The following LAMC1 variants were observed in gnomAD, a reference collection of about 807,000 sequenced individuals.
The protein encoded by LAMC1 is laminin subunit gamma-1.
A neutral mutation model predicts 173.6 loss-of-function variants in LAMC1; 38 were observed. The ratio of observed to expected loss-of-function variants is 0.22; its 90% CI spans 0.17 to 0.29. The LOEUF (loss-of-function observed/expected upper bound fraction) is 0.29. Among genes scored for constraint, LAMC1 ranks in the 10% least tolerant of loss-of-function variants. The probability of loss-of-function intolerance (pLI) is 1.00; values close to 1 mark genes in which losing one functional copy is unlikely to be tolerated. For missense variants in LAMC1, 1,824 were observed against 2,051.8 expected, an observed-to-expected ratio of 0.89 and a Z score of 2.14; for synonymous variants, 746 against 749.1, an observed-to-expected ratio of 1.00 and a Z score of 0.07.
chr1:183,039,529 A>C (rs1036071851), intron 1 of LAMC1, among the ~76,000 whole-genome samples: 1 of 152,154 alleles, frequency 6.6e-6, no homozygotes, highest in East Asian at 1.9e-4. Context: ...AGCTGTAATA[A>C]AATTTGTTTA....
At chr1:183,076,578 T>G (rs530370380) in intron 1 of LAMC1, among the ~76,000 whole-genome samples, 1 of 152,306 alleles carries the variant, frequency 6.6e-6, no homozygotes, top group African/African-American at 2.4e-5. Context: ...CTAGCCTCCA[T>G]TTTCTCTTCC....
intron 1 of LAMC1, among the ~76,000 whole-genome samples, chr1:183,046,953 T>C (rs915930185): frequency 2.0e-5 from 3 of 152,174 alleles, no homozygotes; most frequent in African/African-American, 7.2e-5. Context: ...ATAATATTTA[T>C]TTCTGTAAGC....
chr1:183,080,255 T>A (rs113020373), intron 1 of LAMC1, among the ~76,000 whole-genome samples: 2,744 of 151,554 alleles, frequency 0.018, 44 homozygotes, highest in South Asian at 0.079. Context: ...AAAAAAAAAT[T>A]TTTTTTGCTT....
chr1:183,062,643 T>TA (rs1465220250), intron 1 of LAMC1, among the ~76,000 whole-genome samples: 1 of 151,752 alleles, frequency 6.6e-6, no homozygotes, highest in Non-Finnish European at 1.5e-5. Context: ...AGACTCTGTC[T>TA]AAAAAAATAA....
intron 24 of LAMC1, 36 bp downstream of exon 24, chr1:183,135,192 C>T (rs370834776): frequency 1.2e-4 from 150 of 1,293,444 alleles, no homozygotes; most frequent in Admixed American, 1.9e-4. Context: ...CAAATGCTTC[C>T]GCCACTAGAG....
Position 183,125,458 on chromosome 1 carries a change from G to T in LAMC1, c.2709G>T (p.Gly903=), listed in dbSNP as rs373706219. The T allele has an allele frequency of 5.0e-6, 8 of 1,613,940 alleles. No individual in the cohort carries two copies. Among genetic ancestry groups the T allele is most frequent in the African/African-American group, 1.3e-5 (1 of 74,932 alleles). ...KQQSSCNPVT[G]QCECLPHVTG... ...AGAGCAGCTGTAACCCCGTGACGGG[G>T]CAGTGTGAATGTTTGCCTCACGTGA... The change falls in exon 15 of 28, where the codon GGG becomes GGT. Residue 903 remains glycine (G), a synonymous_variant. Coordinates refer to ENST00000258341, the MANE Select transcript of LAMC1 (RefSeq NM_002293.4).
chr1:183,143,058 G>A lies in LAMC1; in HGVS notation c.*268G>A. 5.1e-6 allele frequency: 2 copies of A among 394,502 alleles called. No homozygotes were observed. Among genetic ancestry groups the A allele is most frequent in the South Asian group, 5.5e-5 (2 of 36,400 alleles). The allele number at this position is 394,502 out of a possible 1,614,324, so 24.4% of individuals were successfully genotyped here. Reference sequence around the variant, plus strand: ...TTTCCCTTCTGATTTGCGTGAGGACGTGGCATCCTACGTTACTGTACAGTG... The same window carrying A: ...TTTCCCTTCTGATTTGCGTGAGGACATGGCATCCTACGTTACTGTACAGTG... On this transcript the variant is annotated 3_prime_UTR_variant, in exon 28 of 28. Transcript: ENST00000258341.
chr1:183,048,638 A>G (rs12023535), intron 1 of LAMC1, among the ~76,000 whole-genome samples: 17,788 of 152,192 alleles, frequency 0.12, 1,162 homozygotes, highest in Admixed American at 0.2. Flanking sequence ...ACACACATGT[A>G]CACCACCCAC....
chr1:183,097,147 T>G (rs1168872083), intron 1 of LAMC1, among the ~76,000 whole-genome samples: 2 of 152,242 alleles, frequency 1.3e-5, no homozygotes, highest in Non-Finnish European at 2.9e-5. Flanking sequence ...TCCTGGGAAC[T>G]CTTGTTTCAG....
intron 26 of LAMC1, 141 bp downstream of exon 26, chr1:183,137,968 G>A: frequency 1.3e-6 from 1 of 763,374 alleles, no homozygotes; most frequent in Non-Finnish European, 1.9e-6. Flanking sequence ...TGGGTTAGTA[G>A]CTTACATAGA....
At chr1:183,056,816 C>G (rs10494557) in intron 1 of LAMC1, among the ~76,000 whole-genome samples, 17,847 of 152,178 alleles carry the variant, frequency 0.12, 1,176 homozygotes, top group Admixed American at 0.2. Context: ...ACACCAAAAC[C>G]TGGAAATAGG....
At chr1:183,028,263 G>T (rs942591100) in intron 1 of LAMC1, among the ~76,000 whole-genome samples, 2 of 151,464 alleles carry the variant, frequency 1.3e-5, no homozygotes, top group Admixed American at 6.6e-5. Flanking sequence ...CTTTTGCTAT[G>T]CACTCCTTCC....
intron 1 of LAMC1, among the ~76,000 whole-genome samples, chr1:183,061,396 G>A (rs911775284): frequency 1.3e-5 from 2 of 150,340 alleles, no homozygotes; most frequent in Non-Finnish European, 3.0e-5. Flanking sequence ...AGGCTCATCT[G>A]TATAGGACTG....
At chr1:183,049,589 G>C (rs1301322890) in intron 1 of LAMC1, among the ~76,000 whole-genome samples, 1 of 151,466 alleles carries the variant, frequency 6.6e-6, no homozygotes, top group South Asian at 2.1e-4. Flanking sequence ...TCAGCCTCCC[G>C]TGTAGCTGGG....
chr1:183,117,771 G>C (rs577947055), intron 10 of LAMC1, 48 bp downstream of exon 10: 696 of 1,518,264 alleles, frequency 4.6e-4, no homozygotes, highest in Non-Finnish European at 5.7e-4. Flanking sequence ...CATTGTGAAA[G>C]TGGTGTCTTT....
rs116320150 is a variant in LAMC1, at chr1:183,047,152, A to G, written c.418+23018A>G. Among the ~76,000 whole-genome samples the G allele has an allele frequency of 4.8e-3, 729 of 152,246 alleles. 6 individuals are homozygous for G. Among genetic ancestry groups the G allele is most frequent in the Non-Finnish European group, 5.9e-3 (401 of 67,972 alleles). The stretch of plus-strand genomic sequence containing the variant: ...ACCTTTTTGGTAAAATTAGCTACCA[A>G]ATTAGTTGCTGTTCATACTGTTTGA... On this transcript the variant is annotated intron_variant, in intron 1 of 27. Transcript: ENST00000258341.
intron 20 of LAMC1, 45 bp downstream of exon 20, chr1:183,131,423 TATGGG>T (rs771467431): frequency 1.8e-6 from 2 of 1,125,172 alleles, no homozygotes; most frequent in Non-Finnish European, 2.5e-6. Flanking sequence ...TGGCTTCTGT[TATGGG>T]GTGTGTGTGT....
intron 1 of LAMC1, among the ~76,000 whole-genome samples, chr1:183,089,393 A>G (rs781503732): frequency 6.6e-6 from 1 of 152,242 alleles, no homozygotes; most frequent in East Asian, 1.9e-4. Context: ...TGACTGACCT[A>G]CCTGAAATAT....
chr1:183,118,123 T>C lies in LAMC1; in HGVS notation c.1967T>C (p.Ile656Thr), dbSNP rs1456793584. The C allele has an allele frequency of 6.3e-7, 1 of 1,598,316 alleles. No individual in the cohort carries two copies. The highest frequency in any genetic ancestry group is 8.6e-7 in the Non-Finnish European group (1 of 1,165,862). The change falls in exon 11 of 28, where the codon ATA becomes ACA. Residue 656 changes from isoleucine to threonine, a missense_variant. Ile to Thr is a moderately conservative substitution (Grantham distance 89, BLOSUM62 -1). Coordinates refer to ENST00000258341, the MANE Select transcript of LAMC1 (RefSeq NM_002293.4). ...KLLNNLTSIK[I>T]RGTYSERSAG... is the part of the protein sequence containing the mutation. ...CTAAACAACTTGACCTCTATCAAGATACGTGGGACATACAGTGAGAGAAGT... is the reference window on the plus strand; with the variant it reads ...CTAAACAACTTGACCTCTATCAAGACACGTGGGACATACAGTGAGAGAAGT...
Sources: gnomAD v4.1 joint callset for allele counts (sites outside exome capture counted in the v4.1 genomes callset) on GRCh38, gnomAD v4.1.1 for gene constraint, MANE v1.5 for transcripts, NCBI Gene and HGNC (gene_info 2026-07-23, HGNC 2026-07-21) for gene names.